The following CDH12 variants were observed in gnomAD, a reference collection of about 807,000 sequenced individuals.
CDH12 encodes cadherin 12, also known as cadherin-12.
In CDH12, 41 loss-of-function variants were observed where a neutral mutation model predicts 74.1. The ratio of observed to expected loss-of-function variants is 0.55; its 90% CI spans 0.43 to 0.72. The LOEUF is 0.72. Ranked by LOEUF, CDH12 falls within the 30% of genes least tolerant of loss-of-function variation. The probability of loss-of-function intolerance (pLI) is 0.00; values close to 1 mark genes in which losing one functional copy is unlikely to be tolerated. For missense variants in CDH12, 945 were observed against 977.2 expected (o/e 0.97, Z 0.44); for synonymous variants, 399 against 355.0 (o/e 1.12, Z -1.39).
chr5:22,319,356 A>T (rs1235990188), intron 3 of CDH12, among the ~76,000 whole-genome samples: 1 of 152,230 alleles, frequency 6.6e-6, no homozygotes, highest in Non-Finnish European at 1.5e-5. Context: ...AGAAAATGAC[A>T]GAACTCAGCA....
chr5:22,628,633 G>A (rs1410046971), intron 1 of CDH12, among the ~76,000 whole-genome samples: 1 of 152,014 alleles, frequency 6.6e-6, no homozygotes, highest in Non-Finnish European at 1.5e-5. Context: ...CTAAACACCA[G>A]TGTCATAAAG....
chr5:21,816,866 C>T (rs930213258), intron 9 of CDH12, 79 bp downstream of exon 9: 29 of 1,019,878 alleles, frequency 2.8e-5, no homozygotes, highest in African/African-American at 1.2e-4. Context: ...ATTAAAATTA[C>T]TTGTCATTTT....
intron 1 of CDH12, among the ~76,000 whole-genome samples, chr5:22,800,779 T>C (rs1284720467): frequency 6.6e-6 from 1 of 152,076 alleles, no homozygotes; most frequent in African/African-American, 2.4e-5. Flanking sequence ...GAATGTTATA[T>C]ATTCTAAGTC....
At chr5:22,590,012 C>T (rs780867761) in intron 1 of CDH12, among the ~76,000 whole-genome samples, 45 of 152,110 alleles carry the variant, frequency 3.0e-4, no homozygotes, top group Non-Finnish European at 4.6e-4. Flanking sequence ...TGTAAGACGT[C>T]GATATATGGG....
intron 4 of CDH12, among the ~76,000 whole-genome samples, chr5:22,086,367 CG>C (rs1743067570): frequency 6.6e-6 from 1 of 151,672 alleles, no homozygotes; most frequent in Admixed American, 6.6e-5. Flanking sequence ...TTTTTTGAGA[CG>C]GAGTCTCACT....
chr5:22,758,338 T>C (rs1431784401), intron 1 of CDH12, among the ~76,000 whole-genome samples: 1 of 152,196 alleles, frequency 6.6e-6, no homozygotes, highest in Admixed American at 6.5e-5. Context: ...CCTTAGACCC[T>C]TCTGGCGAAG....
chr5:21,937,302 A>G (rs1302938312), intron 6 of CDH12, among the ~76,000 whole-genome samples: 1 of 152,186 alleles, frequency 6.6e-6, no homozygotes, highest in Non-Finnish European at 1.5e-5. Flanking sequence ...GAAAGAGAAT[A>G]GTGTGATTAT....
At chr5:22,622,935 A>T (rs1389997046) in intron 1 of CDH12, among the ~76,000 whole-genome samples, 1 of 152,198 alleles carries the variant, frequency 6.6e-6, no homozygotes, top group African/African-American at 2.4e-5. Context: ...AATACTGGCA[A>T]ACCAAATCCA....
At chr5:22,485,965 T>A (rs999589568) in intron 2 of CDH12, among the ~76,000 whole-genome samples, 2 of 152,194 alleles carry the variant, frequency 1.3e-5, no homozygotes, top group Admixed American at 1.3e-4. Flanking sequence ...AATAGTGGCA[T>A]GTCTTCAGCA....
At chr5:21,977,855 T>G (rs946989616) in intron 5 of CDH12, among the ~76,000 whole-genome samples, 4 of 152,140 alleles carry the variant, frequency 2.6e-5, no homozygotes, top group Non-Finnish European at 4.4e-5. Context: ...CGTGAGAGAA[T>G]TAGACTTTTT....
rs561165189 is a variant in CDH12, at chr5:21,751,081, T to C, written c.*656A>G. The C allele has an allele frequency of 6.5e-6, 1 of 152,720 alleles. No homozygotes were observed. Among genetic ancestry groups the C allele is most frequent in the Admixed American group, 6.5e-5 (1 of 15,290 alleles). 9.5% of individuals were successfully genotyped at this position (152,720 alleles called of 1,614,324 possible). A position where few individuals can be genotyped will look rare whatever the true frequency, so the allele number is the denominator to read the frequency against. Reference sequence around the variant, plus strand: ...ATTGAACTTGATATTTTCATATTTATTTCAATTTTCTGAAAGGATAGGATA... The same window carrying C: ...ATTGAACTTGATATTTTCATATTTACTTCAATTTTCTGAAAGGATAGGATA... On this transcript the variant is annotated 3_prime_UTR_variant, in exon 15 of 15. Transcript: ENST00000382254.
chr5:22,459,969 AAAAT>A (rs1044788869), intron 2 of CDH12, among the ~76,000 whole-genome samples: 1 of 152,128 alleles, frequency 6.6e-6, no homozygotes, highest in Non-Finnish European at 1.5e-5. Context: ...CTTCATCTCA[AAAAT>A]AAATAAATAA....
intron 11 of CDH12, among the ~76,000 whole-genome samples, chr5:21,782,180 C>T (rs920737454): frequency 2.0e-5 from 3 of 152,154 alleles, no homozygotes; most frequent in African/African-American, 7.2e-5. Context: ...AATTGTCAAC[C>T]TGAGCACCGC....
intron 5 of CDH12, among the ~76,000 whole-genome samples, chr5:22,002,563 G>A (rs1197874011): frequency 1.3e-5 from 2 of 151,962 alleles, no homozygotes. Context: ...TTTACAAATT[G>A]TCTGGTTTTA....
intron 2 of CDH12, among the ~76,000 whole-genome samples, chr5:22,424,002 C>CA (rs1165781089): frequency 0.038 from 1,196 of 31,214 alleles, 126 homozygotes; most frequent in Non-Finnish European, 0.042. Flanking sequence ...GACTCTGTCT[C>CA]AAAAAAAAAA....
intron 1 of CDH12, among the ~76,000 whole-genome samples, chr5:22,790,586 A>G (rs1302124967): frequency 6.6e-6 from 1 of 151,852 alleles, no homozygotes; most frequent in Non-Finnish European, 1.5e-5. Flanking sequence ...AATCTTTCAA[A>G]TATTTGAAGA....
chr5:22,382,598 G>A (rs1359379316), intron 3 of CDH12, among the ~76,000 whole-genome samples: 1 of 151,954 alleles, frequency 6.6e-6, no homozygotes, highest in Admixed American at 6.6e-5. Flanking sequence ...CGAATTACTT[G>A]CTAGCTGGGT....
intron 4 of CDH12, among the ~76,000 whole-genome samples, chr5:22,210,455 A>G (rs1306470105): frequency 6.7e-6 from 1 of 150,084 alleles, no homozygotes; most frequent in African/African-American, 2.5e-5. Flanking sequence ...TGACAATGGT[A>G]AAACTCCTTT....
intron 1 of CDH12, among the ~76,000 whole-genome samples, chr5:22,797,182 A>AT (rs1748270397): frequency 2.7e-5 from 3 of 109,696 alleles, no homozygotes; most frequent in Admixed American, 8.7e-5. Flanking sequence ...CAGTGCCTTT[A>AT]TAAAAAAAAA....
Sources: allele counts gnomAD v4.1 joint callset (sites outside exome capture counted in the v4.1 genomes callset), GRCh38; gene constraint gnomAD v4.1.1; transcripts MANE v1.5; gene names NCBI Gene and HGNC (gene_info 2026-07-23, HGNC 2026-07-21).